The following SNX1 variants were observed in gnomAD, a reference collection of about 807,000 sequenced individuals.
SNX1 encodes sorting nexin-1.
A neutral mutation model predicts 71.8 loss-of-function variants in SNX1; 36 were observed. The ratio of observed to expected loss-of-function variants is 0.50; its 90% CI spans 0.38 to 0.66. The LOEUF (loss-of-function observed/expected upper bound fraction) is 0.66, where lower values mean the gene tolerates loss of function less well. SNX1 is among the 30% of genes least tolerant of loss of function. The pLI, the probability that SNX1 is intolerant of heterozygous loss-of-function variation, is 0.00. For missense variants in SNX1, 612 were observed against 646.7 expected (o/e 0.95, Z 0.58); for synonymous variants, 254 against 240.7 (o/e 1.06, Z -0.51).
intron 1 of SNX1, among the ~76,000 whole-genome samples, chr15:64,106,712 C>T (rs865971305): frequency 3.3e-5 from 5 of 152,030 alleles, no homozygotes; most frequent in South Asian, 2.1e-4. Flanking sequence ...ATGGAAGAGA[C>T]GCAAAGAGAT....
At chr15:64,127,626 A>G (rs2081266908) in intron 7 of SNX1, 105 bp from the exon 8 acceptor site, 1 of 785,862 alleles carries the variant, frequency 1.3e-6, no homozygotes, top group South Asian at 1.6e-5. Flanking sequence ...GGGTACTTTA[A>G]GTACAAAAAG....
intron 10 of SNX1, among the ~76,000 whole-genome samples, chr15:64,131,136 T>C (rs2081302497): frequency 6.6e-6 from 1 of 152,040 alleles, no homozygotes; most frequent in South Asian, 2.1e-4. Flanking sequence ...TAGAAAAAAT[T>C]AGCCAGGTGT....
At chr15:64,104,564 C>T (rs1363507658) in intron 1 of SNX1, among the ~76,000 whole-genome samples, 4 of 151,872 alleles carry the variant, frequency 2.6e-5, no homozygotes, top group African/African-American at 4.8e-5. Context: ...TGAGCCACTG[C>T]GCCCGGCCCA....
intron 3 of SNX1, 45 bp from the exon 4 acceptor site, chr15:64,118,743 T>C (rs751029432): frequency 1.4e-6 from 2 of 1,475,218 alleles, no homozygotes; most frequent in Non-Finnish European, 1.9e-6. Context: ...ATTGATAGCT[T>C]TTTTTTTCAT....
At chr15:64,106,811 C>T (rs545115918) in intron 1 of SNX1, among the ~76,000 whole-genome samples, 1 of 152,302 alleles carries the variant, frequency 6.6e-6, no homozygotes, top group African/African-American at 2.4e-5. Flanking sequence ...AGATTCTTTC[C>T]TAGAACCTCC....
At chr15:64,117,077 C>T (rs897941234) in intron 2 of SNX1, among the ~76,000 whole-genome samples, 1 of 152,136 alleles carries the variant, frequency 6.6e-6, no homozygotes, top group Non-Finnish European at 1.5e-5. Flanking sequence ...ACAGTGCTGT[C>T]ATCAGGTGTG....
chr15:64,096,124 G>T lies in SNX1; in HGVS notation c.111G>T (p.Gly37=), dbSNP rs763239697. The T allele has an allele frequency of 7.7e-6, 12 of 1,558,176 alleles. No individual in the cohort carries two copies. Among genetic ancestry groups the T allele is most frequent in the Non-Finnish European group, 1.0e-5 (12 of 1,151,938 alleles). ...CCGGGGGATCAGAACCCGAGGCTGG[G>T]GACAGCGACACCGAGGGGGAGGACA... ...GAAGGSEPEA[G]DSDTEGEDIF... Residue 37 remains glycine (G), a synonymous_variant, in exon 1 of 15, where the codon GGG becomes GGT. Transcript: ENST00000559844.
At chr15:64,101,645 T>C (rs943554460) in intron 1 of SNX1, among the ~76,000 whole-genome samples, 1 of 152,202 alleles carries the variant, frequency 6.6e-6, no homozygotes, top group African/African-American at 2.4e-5. Flanking sequence ...CTGGATCTTG[T>C]GGTAGTTCTA....
At position 64,129,858 on chromosome 15, in the gene SNX1, C is replaced by T; in HGVS notation, c.808-58C>T. ...TGCCATCTGATGGATACTAATTCTT[C>T]TGAACCTAAAATAGGGGCAGCAGAT... On this transcript the variant is annotated intron_variant, in intron 8 of 14. Coordinates refer to ENST00000559844, the MANE Select transcript of SNX1 (RefSeq NM_003099.5). This position sits in a 1 kb window ranked among gnomAD's most constrained non-coding sequence, Gnocchi z 4.4. The T allele has an allele frequency of 7.9e-7, 1 of 1,259,790 alleles. No individual in the cohort carries two copies. Among genetic ancestry groups the T allele is most frequent in the South Asian group, 1.2e-5 (1 of 83,862 alleles). The allele number at this position is 1,259,790 out of a possible 1,614,324, so 78.0% of individuals were successfully genotyped here.
intron 2 of SNX1, chr15:64,115,732 T>C: frequency 6.0e-6 from 1 of 166,186 alleles, no homozygotes; most frequent in South Asian, 1.1e-4. Flanking sequence ...CCTGTTAATA[T>C]TCGCATGTTT....
chr15:64,096,295 C>A, intron 1 of SNX1, 123 bp downstream of exon 1: 3 of 1,171,280 alleles, frequency 2.6e-6, no homozygotes, highest in South Asian at 1.5e-5. Flanking sequence ...TGTCAGCAGT[C>A]CGGGCCCCGG....
rs763668340 is a variant in SNX1, at chr15:64,096,185, C to T, written c.159+13C>T. 4 of 1,547,150 alleles carry T rather than the reference C, an allele frequency of 2.6e-6. No individual in the cohort carries two copies. The South Asian group carries it at 3.6e-5, about 14-fold the overall frequency. ...CGCCGCGGTGGTCGTGAGTTTGCAC[C>T]CCTCGGGGTAGCAGGCGGGAGGGCA... On this transcript the variant is annotated intron_variant, in intron 1 of 14. Transcript: ENST00000559844.
chr15:64,124,097 G>A (rs1452565300), intron 5 of SNX1, among the ~76,000 whole-genome samples: 2 of 142,530 alleles, frequency 1.4e-5, no homozygotes, highest in African/African-American at 5.7e-5. Flanking sequence ...ATACCTTAGA[G>A]GTGTCCTTTC....
chr15:64,127,115 AAAG>A (rs1331425798), intron 6 of SNX1, 56 bp from the exon 7 acceptor site: 5 of 1,391,500 alleles, frequency 3.6e-6, no homozygotes, highest in African/African-American at 1.4e-5. Flanking sequence ...TAAAAAAAAA[AAAG>A]ATTTATCCTC....
intron 2 of SNX1, 136 bp downstream of exon 2, chr15:64,112,820 A>G: frequency 3.7e-6 from 2 of 547,570 alleles, no homozygotes; most frequent in Non-Finnish European, 6.4e-6. Context: ...GAGGATTCCA[A>G]AGTACATGAA....
At chr15:64,125,099 C>A (rs2081236496) in intron 5 of SNX1, among the ~76,000 whole-genome samples, 1 of 152,186 alleles carries the variant, frequency 6.6e-6, no homozygotes, top group African/African-American at 2.4e-5. Context: ...TCACCTGCTT[C>A]CCCTTCTTAG....
In SNX1 at chr15:64,129,090, T is replaced by C. The variant is rs2081281404; in HGVS notation, c.808-826T>C. ...GGCAAAATCCTGTCTCTACTAAAAA[T>C]ACAAAAATTAGCGGGTCGTGGTGGC... On this transcript the variant is annotated intron_variant, in intron 8 of 14. Coordinates refer to ENST00000559844, the MANE Select transcript of SNX1 (RefSeq NM_003099.5). The surrounding 1 kb of genome is among the most constrained non-coding windows in gnomAD (Gnocchi z 4.4). Among the ~76,000 whole-genome samples the C allele has an allele frequency of 6.6e-6, 1 of 151,774 alleles. No homozygotes were observed. The highest frequency in any genetic ancestry group is 6.6e-5 in the Admixed American group (1 of 15,232).
rs563460441 is a variant in SNX1, at chr15:64,120,025, T to G, written c.466+1171T>G. Among the ~76,000 whole-genome samples the G allele has an allele frequency of 2.1e-3, 323 of 152,266 alleles. 2 individuals carry two copies. Among genetic ancestry groups the G allele is most frequent in the Middle Eastern group, 3.4e-3 (1 of 294 alleles). ...GCATAACACTTAACTTTGTCTGGACTTGGATTTTTAGGATGGCTTTCCCCT... is the reference window on the plus strand; with the variant it reads ...GCATAACACTTAACTTTGTCTGGACGTGGATTTTTAGGATGGCTTTCCCCT... On this transcript the variant is annotated intron_variant, in intron 4 of 14. Coordinates refer to ENST00000559844, the MANE Select transcript of SNX1 (RefSeq NM_003099.5).
Position 64,118,128 on chromosome 15 carries a change from G to C in SNX1, c.283G>C (p.Glu95Gln), listed in dbSNP as rs776483256. The change falls in exon 3 of 15, where the codon GAG becomes CAG. Residue 95 changes from glutamate to glutamine, a missense_variant. Coordinates refer to ENST00000559844, the MANE Select transcript of SNX1 (RefSeq NM_003099.5). ...CAACTTCATTTTAGATGCCACAGTG[G>C]AGCTATCCTTGGACAGCACACAAAA... Reference protein sequence around the residue: ...PQDLFADATVELSLDSTQNNQ... With the variant: ...PQDLFADATVQLSLDSTQNNQ... 3 of 1,611,738 alleles carry C rather than the reference G, an allele frequency of 1.9e-6. No homozygotes were observed. The highest frequency in any genetic ancestry group is 2.5e-6 in the Non-Finnish European group (3 of 1,179,332).
Sources: gnomAD v4.1 joint callset for allele counts (sites outside exome capture counted in the v4.1 genomes callset) on GRCh38, gnomAD v4.1.1 for gene constraint, Gnocchi (gnomAD v3.1) non-coding constraint, MANE v1.5 for transcripts, NCBI Gene and HGNC (gene_info 2026-07-23, HGNC 2026-07-21) for gene names.